CTNND2: variants seen among roughly 807,000 people sequenced by gnomAD.
CTNND2 encodes catenin delta-2.
Under a neutral mutation model 144.4 loss-of-function variants are expected in CTNND2, and 22 were observed. That is an observed-to-expected ratio of 0.15 (90% CI 0.11 to 0.22). The LOEUF (loss-of-function observed/expected upper bound fraction) is 0.22, where lower values mean the gene tolerates loss of function less well. Among genes scored for constraint, CTNND2 ranks in the 10% least tolerant of loss-of-function variants. CTNND2 has a pLI of 1.00. For synonymous variants in CTNND2, 751 were observed against 695.6 expected (o/e 1.08, Z -1.25); for missense variants, 1,353 against 1,618.8 (o/e 0.84, Z 2.82).
chr5:11,547,781 T>C (rs568106571), intron 3 of CTNND2, among the ~76,000 whole-genome samples: 65 of 152,356 alleles, frequency 4.3e-4, no homozygotes, highest in Non-Finnish European at 8.8e-4. Flanking sequence ...ATGGATTACA[T>C]ATTGCCAGTG....
At chr5:11,890,184 G>C (rs1736850082) in intron 1 of CTNND2, among the ~76,000 whole-genome samples, 1 of 152,014 alleles carries the variant, frequency 6.6e-6, no homozygotes, top group Non-Finnish European at 1.5e-5. Context: ...CTGATTACTG[G>C]TCCCTGAAAA....
intron 3 of CTNND2, among the ~76,000 whole-genome samples, chr5:11,448,463 G>T (rs954732574): frequency 2.0e-5 from 3 of 152,096 alleles, no homozygotes; most frequent in Admixed American, 6.6e-5. Context: ...GTCTTTCGGG[G>T]AGGTTATATT....
intron 3 of CTNND2, among the ~76,000 whole-genome samples, chr5:11,424,457 G>A (rs547809974): frequency 2.4e-4 from 35 of 146,196 alleles, no homozygotes; most frequent in Middle Eastern, 3.4e-3. Flanking sequence ...AACTAAACAC[G>A]CATACACACA....
At chr5:10,976,795 G>A (rs990549233) in intron 21 of CTNND2, among the ~76,000 whole-genome samples, 2 of 152,180 alleles carry the variant, frequency 1.3e-5, no homozygotes, top group African/African-American at 4.8e-5. Context: ...GAACACAAGG[G>A]AAATAGTAGC....
intron 1 of CTNND2, among the ~76,000 whole-genome samples, chr5:11,774,434 A>G (rs1383251284): frequency 1.4e-5 from 2 of 147,934 alleles, no homozygotes; most frequent in African/African-American, 2.5e-5. Context: ...TAGCACTGGG[A>G]GATATACCTA....
intron 2 of CTNND2, among the ~76,000 whole-genome samples, chr5:11,703,457 A>G (rs1404027504): frequency 2.0e-5 from 3 of 152,144 alleles, no homozygotes; most frequent in Admixed American, 1.3e-4. Context: ...TGGGTTTTGC[A>G]GTCAGAATGG....
intron 9 of CTNND2, among the ~76,000 whole-genome samples, chr5:11,297,084 A>T (rs1383125753): frequency 2.0e-5 from 3 of 152,224 alleles, no homozygotes; most frequent in African/African-American, 7.2e-5. Flanking sequence ...GAACTGTGTC[A>T]ACATTTAGAA....
intron 14 of CTNND2, among the ~76,000 whole-genome samples, chr5:11,107,184 G>T (rs879491509): frequency 6.6e-6 from 1 of 152,136 alleles, no homozygotes; most frequent in Admixed American, 6.5e-5. Context: ...GCACGCTGAA[G>T]GTGTGGGTAT....
intron 11 of CTNND2, among the ~76,000 whole-genome samples, chr5:11,178,953 C>T (rs1054972649): frequency 6.6e-6 from 1 of 152,010 alleles, no homozygotes; most frequent in Admixed American, 6.6e-5. Context: ...TTAAAATTAC[C>T]CCACTGAGAT....
intron 1 of CTNND2, among the ~76,000 whole-genome samples, chr5:11,746,070 T>C (rs72734957): frequency 0.13 from 19,116 of 152,198 alleles, 1,296 homozygotes; most frequent in East Asian, 0.19. Context: ...CTTTGCATGA[T>C]GTATGAGGCT....
At chr5:11,013,568 A>T (rs1175586817) in intron 18 of CTNND2, among the ~76,000 whole-genome samples, 1 of 152,212 alleles carries the variant, frequency 6.6e-6, no homozygotes, top group Non-Finnish European at 1.5e-5. Flanking sequence ...GACAGATTAG[A>T]CTTTTCCAGT....
intron 9 of CTNND2, among the ~76,000 whole-genome samples, chr5:11,248,403 AAT>A (rs906345992): frequency 6.6e-6 from 1 of 151,994 alleles, no homozygotes; most frequent in Non-Finnish European, 1.5e-5. Flanking sequence ...CTGTGTGTAT[AAT>A]ATATAGTGTG....
At chr5:11,337,279 T>G (rs1580946215) in intron 9 of CTNND2, among the ~76,000 whole-genome samples, 1 of 152,232 alleles carries the variant, frequency 6.6e-6, no homozygotes, top group African/African-American at 2.4e-5. Flanking sequence ...CTCCATGAGA[T>G]TCCAGGGAAA....
chr5:11,279,916 T>C (rs987031675), intron 9 of CTNND2, among the ~76,000 whole-genome samples: 3 of 152,168 alleles, frequency 2.0e-5, no homozygotes, highest in African/African-American at 7.2e-5. Context: ...AAGAGGATGG[T>C]GCTAAACCAT....
At chr5:11,182,407 G>C (rs113538307) in intron 11 of CTNND2, among the ~76,000 whole-genome samples, 187 of 152,150 alleles carry the variant, frequency 1.2e-3, no homozygotes, top group Middle Eastern at 3.4e-3. Flanking sequence ...GTCTGTGTGT[G>C]CAAGTAAAGT....
chr5:11,599,543 C>G (rs867821496), intron 2 of CTNND2, among the ~76,000 whole-genome samples: 3 of 152,112 alleles, frequency 2.0e-5, no homozygotes, highest in Non-Finnish European at 4.4e-5. Flanking sequence ...TATAGCATTT[C>G]TTCTCAAACA....
At chr5:11,777,055 A>G (rs773281882) in intron 1 of CTNND2, among the ~76,000 whole-genome samples, 10 of 152,248 alleles carry the variant, frequency 6.6e-5, no homozygotes, top group Non-Finnish European at 1.2e-4. Flanking sequence ...CAATAAATAT[A>G]TAACACACAT....
intron 2 of CTNND2, among the ~76,000 whole-genome samples, chr5:11,669,018 T>C (rs1235541538): frequency 6.6e-6 from 1 of 152,212 alleles, no homozygotes; most frequent in East Asian, 1.9e-4. Flanking sequence ...TCTCTTGAGA[T>C]AATCATGTGG....
intron 9 of CTNND2, among the ~76,000 whole-genome samples, chr5:11,280,095 GA>G (rs1421432288): frequency 8.5e-5 from 13 of 152,172 alleles, no homozygotes; most frequent in Non-Finnish European, 1.8e-4. Context: ...CAGCCACACT[GA>G]ATTTTAAAAG....
Sources: gnomAD v4.1 joint callset for allele counts (sites outside exome capture counted in the v4.1 genomes callset) on GRCh38, gnomAD v4.1.1 for gene constraint, MANE v1.5 for transcripts, NCBI Gene and HGNC (gene_info 2026-07-23, HGNC 2026-07-21) for gene names.